Variants in NEXMIF observed in about 807,000 individuals in gnomAD.
The protein encoded by NEXMIF is XLMR protein related to neurite extension.
In NEXMIF, 8 loss-of-function variants were observed where a neutral mutation model predicts 62.1. That is an observed-to-expected ratio of 0.13 (90% CI 0.08 to 0.23). NEXMIF has a LOEUF of 0.23. Ranked by LOEUF, NEXMIF falls within the 10% of genes least tolerant of loss-of-function variation. The pLI is 1.00. For synonymous variants in NEXMIF, 404 were observed against 416.6 expected (o/e 0.97, Z 0.37); for missense variants, 976 against 1,113.3 (o/e 0.88, Z 1.75).
intron 1 of NEXMIF, among the ~76,000 whole-genome samples, chrX:74,838,941 C>T (rs2080465656): frequency 1.8e-5 from 2 of 111,851 alleles, no homozygotes; most frequent in Non-Finnish European, 3.8e-5. Context: ...GTAATCTGCT[C>T]AGTCCTTACT....
intron 1 of NEXMIF, among the ~76,000 whole-genome samples, chrX:74,875,829 T>A (rs1423891985): frequency 8.9e-6 from 1 of 111,858 alleles, no homozygotes; most frequent in Non-Finnish European, 1.9e-5. Flanking sequence ...TTCTGTGGGA[T>A]CGGTGGTGAT....
At chrX:74,920,105 T>C (rs1316641279) in intron 1 of NEXMIF, among the ~76,000 whole-genome samples, 4 of 111,993 alleles carry the variant, frequency 3.6e-5, no homozygotes, top group African/African-American at 9.7e-5. Flanking sequence ...TGTGTCTTTA[T>C]AGCAGCATGA....
chrX:74,888,248 C>T (rs1158824811), intron 1 of NEXMIF, among the ~76,000 whole-genome samples: 3 of 107,931 alleles, frequency 2.8e-5, no homozygotes, highest in Non-Finnish European at 5.7e-5. Context: ...ATGTAACAAA[C>T]CTTCACGTTG....
chrX:74,818,196 G>T (rs748023967), intron 1 of NEXMIF, among the ~76,000 whole-genome samples: 1 of 111,514 alleles, frequency 9.0e-6, no homozygotes, highest in Admixed American at 9.5e-5. Context: ...GAACAAAGCT[G>T]GAGGTATCAC....
chrX:74,912,353 T>C (rs2080793221), intron 1 of NEXMIF, among the ~76,000 whole-genome samples: 1 of 111,810 alleles, frequency 8.9e-6, no homozygotes, highest in Admixed American at 9.5e-5. Context: ...AATGGTTACC[T>C]CAGTCATGGA....
At chrX:74,817,360 C>CCATTGCACA (rs2080379421) in intron 1 of NEXMIF, among the ~76,000 whole-genome samples, 1 of 111,628 alleles carries the variant, frequency 9.0e-6, no homozygotes, top group Non-Finnish European at 1.9e-5. Context: ...ACAAACTGCA[C>CCATTGCACA]AATCATGACC....
chrX:74,740,152 G>A lies in NEXMIF; in HGVS notation c.4405C>T (p.Arg1469Ter), dbSNP rs763067676. 10 of 1,208,192 alleles carry A rather than the reference G, an allele frequency of 8.3e-6. No individual in the cohort carries two copies. The highest frequency in any genetic ancestry group is 6.6e-5 in the Admixed American group (3 of 45,559). Residue 1469 changes from arginine to a stop codon, truncating the protein, a stop_gained, in exon 3 of 4, where the codon CGA (arginine) becomes TGA (stop). Transcript: ENST00000055682. LOFTEE classifies it high-confidence loss of function. ...GACTCATCCTTGTGGACCTGTTCTC[G>A]CTCCATGTGCTTTCCCTTACATTTC... ...DEKCKGKHME[R>*]EQVHKDESGT...
intron 1 of NEXMIF, among the ~76,000 whole-genome samples, chrX:74,854,630 T>C (rs185215453): frequency 1.1e-4 from 12 of 111,356 alleles, no homozygotes; most frequent in Non-Finnish European, 2.3e-4. Context: ...AAAGAGGAAG[T>C]CAAACTATCC....
intron 1 of NEXMIF, among the ~76,000 whole-genome samples, chrX:74,864,533 G>C (rs1340600370): frequency 9.0e-6 from 1 of 111,189 alleles, no homozygotes; most frequent in Non-Finnish European, 1.9e-5. Flanking sequence ...AGTCTCAAGG[G>C]ATCTGATGGT....
chrX:74,862,374 C>T (rs765413497), intron 1 of NEXMIF, among the ~76,000 whole-genome samples: 16 of 110,545 alleles, frequency 1.4e-4, no homozygotes, highest in Non-Finnish European at 1.3e-4. Flanking sequence ...GACTTACACT[C>T]CCACACAATA....
At chrX:74,896,049 T>C (rs2080732018) in intron 1 of NEXMIF, among the ~76,000 whole-genome samples, 1 of 111,236 alleles carries the variant, frequency 9.0e-6, no homozygotes, top group Non-Finnish European at 1.9e-5. Flanking sequence ...CCGTTTCCCC[T>C]TTTTCCATAG....
intron 1 of NEXMIF, among the ~76,000 whole-genome samples, chrX:74,862,005 T>C (rs2080559365): frequency 9.0e-6 from 1 of 111,430 alleles, no homozygotes. Context: ...ATATTAACCT[T>C]AAATGTAAAT....
chrX:74,893,659 A>G (rs2080724467), intron 1 of NEXMIF, among the ~76,000 whole-genome samples: 1 of 112,714 alleles, frequency 8.9e-6, no homozygotes, highest in Non-Finnish European at 1.9e-5. Flanking sequence ...GTAAGATTTT[A>G]AAAATATTCA....
intron 1 of NEXMIF, among the ~76,000 whole-genome samples, chrX:74,850,730 T>C (rs749925101): frequency 9.0e-6 from 1 of 110,743 alleles, no homozygotes; most frequent in South Asian, 3.8e-4. Context: ...TCCTCCCGTA[T>C]GAAAGAAAAT....
intron 1 of NEXMIF, among the ~76,000 whole-genome samples, chrX:74,859,521 A>G (rs901222209): frequency 8.9e-6 from 1 of 111,744 alleles, no homozygotes; most frequent in Non-Finnish European, 1.9e-5. Flanking sequence ...GAGTACTTCA[A>G]TCAGAAAGAA....
At chrX:74,779,958 A>G (rs2080241258) in intron 1 of NEXMIF, among the ~76,000 whole-genome samples, 1 of 111,390 alleles carries the variant, frequency 9.0e-6, no homozygotes, top group Non-Finnish European at 1.9e-5. Context: ...ACAGATTTAT[A>G]TAGTTTATAC....
chrX:74,791,092 A>G (rs1454856608), intron 1 of NEXMIF, among the ~76,000 whole-genome samples: 1 of 110,378 alleles, frequency 9.1e-6, no homozygotes, highest in African/African-American at 3.3e-5. Context: ...TTGCCCATTC[A>G]GTATGATATT....
intron 1 of NEXMIF, among the ~76,000 whole-genome samples, chrX:74,840,273 G>A (rs2147488912): frequency 9.0e-6 from 1 of 111,282 alleles, no homozygotes; most frequent in South Asian, 3.8e-4. Context: ...TTTTTCTCTT[G>A]TAAATTTGTG....
In NEXMIF at chrX:74,831,098, G is replaced by A. The variant is rs747876070; in HGVS notation, c.-47-85401C>T. 2.7e-5 allele frequency among the ~76,000 whole-genome samples: 3 copies of A among 110,644 alleles called. No homozygotes were observed. The East Asian group carries it at 8.5e-4, about 31-fold the overall frequency. Reference sequence around the variant, plus strand: ...TGTTAAATAATAGTGGAGACAGTCAGCATCCTTGTTTTTTCCAATCTTGAA... The same window carrying A: ...TGTTAAATAATAGTGGAGACAGTCAACATCCTTGTTTTTTCCAATCTTGAA... On this transcript the variant is annotated intron_variant, in intron 1 of 3. Coordinates refer to ENST00000055682, the MANE Select transcript of NEXMIF (RefSeq NM_001008537.3).
Sources: allele counts gnomAD v4.1 joint callset (sites outside exome capture counted in the v4.1 genomes callset), GRCh38; gene constraint gnomAD v4.1.1; transcripts MANE v1.5; gene names NCBI Gene and HGNC (gene_info 2026-07-23, HGNC 2026-07-21).